PPP2R2B: variants seen among roughly 807,000 people sequenced by gnomAD.
The protein encoded by PPP2R2B is protein phosphatase 2 regulatory subunit Bbeta.
PPP2R2B carries 5 observed loss-of-function variants against 46.0 expected under a neutral mutation model. The ratio of observed to expected loss-of-function variants is 0.11; its 90% confidence interval spans 0.06 to 0.23. The LOEUF is 0.23. Among genes scored for constraint, PPP2R2B ranks in the 10% least tolerant of loss-of-function variants. The probability of loss-of-function intolerance (pLI) is 1.00; values close to 1 mark genes in which losing one functional copy is unlikely to be tolerated. For synonymous variants in PPP2R2B, 215 were observed against 206.7 expected, an observed-to-expected ratio of 1.04 and a Z score of -0.34; for missense variants, 367 against 575.0, an observed-to-expected ratio of 0.64 and a Z score of 3.70.
chr5:146,593,906 A>G (rs936738953), intron 8 of PPP2R2B, among the ~76,000 whole-genome samples: 19 of 152,192 alleles, frequency 1.2e-4, no homozygotes, highest in African/African-American at 4.3e-4. Flanking sequence ...AAAGGGAGGG[A>G]GACCAGTTAT....
At chr5:146,659,454 T>C (rs1279740034) in intron 5 of PPP2R2B, among the ~76,000 whole-genome samples, 1 of 152,202 alleles carries the variant, frequency 6.6e-6, no homozygotes, top group Non-Finnish European at 1.5e-5. Flanking sequence ...TTACCAACCA[T>C]GTGGCCTTGG....
intron 8 of PPP2R2B, among the ~76,000 whole-genome samples, chr5:146,596,843 T>C (rs565947263): frequency 6.6e-6 from 1 of 152,260 alleles, no homozygotes; most frequent in South Asian, 2.1e-4. Flanking sequence ...CTCCACTACA[T>C]ATATGGCTGT....
At chr5:146,859,055 T>C (rs1760833692) in intron 2 of PPP2R2B, among the ~76,000 whole-genome samples, 1 of 152,180 alleles carries the variant, frequency 6.6e-6, no homozygotes, top group South Asian at 2.1e-4. Flanking sequence ...TGGGAGTTTA[T>C]TGATTTATCT....
At position 146,861,593 on chromosome 5, in the gene PPP2R2B, C is replaced by T. The variant is rs79066938; in HGVS notation, c.70+16409G>A. ...ATAGCAGACACTCCATGAATTGTTT[C>T]TCACCACAATGGCAGCCTTACTGTT... On this transcript the variant is annotated intron_variant, in intron 2 of 9. Transcript: ENST00000394411. Among the ~76,000 whole-genome samples the T allele has an allele frequency of 2.1e-3, 323 of 152,336 alleles. 11 individuals are homozygous for T. In the East Asian group the frequency reaches 0.051, roughly 24 times the overall value.
At chr5:146,822,587 T>C (rs943837476) in intron 2 of PPP2R2B, among the ~76,000 whole-genome samples, 1 of 149,580 alleles carries the variant, frequency 6.7e-6, no homozygotes, top group Non-Finnish European at 1.5e-5. Context: ...TACTTCTCCA[T>C]CTAATATATT....
intron 2 of PPP2R2B, among the ~76,000 whole-genome samples, chr5:146,812,743 T>TATATACAC (rs750994881): frequency 2.1e-4 from 13 of 62,600 alleles, no homozygotes; most frequent in South Asian, 5.8e-4. Flanking sequence ...TATATATATA[T>TATATACAC]ATACTGCTAT....
chr5:147,006,531 C>T (rs1337396096), intron 1 of PPP2R2B, among the ~76,000 whole-genome samples: 1 of 152,160 alleles, frequency 6.6e-6, no homozygotes, highest in Non-Finnish European at 1.5e-5. Flanking sequence ...AATACACCTA[C>T]TTATAGGGTT....
chr5:146,739,466 T>C (rs1752739117), intron 2 of PPP2R2B, among the ~76,000 whole-genome samples: 1 of 152,084 alleles, frequency 6.6e-6, no homozygotes, highest in Admixed American at 6.5e-5. Flanking sequence ...GGGGGACAAC[T>C]CATATGAAGA....
chr5:147,045,557 T>C (rs995243278), intron 1 of PPP2R2B, among the ~76,000 whole-genome samples: 19 of 152,160 alleles, frequency 1.2e-4, no homozygotes, highest in African/African-American at 4.6e-4. Context: ...CATTAAGCGA[T>C]GCATGACTGA....
chr5:146,965,697 T>C (rs899298012), intron 1 of PPP2R2B, among the ~76,000 whole-genome samples: 24 of 152,232 alleles, frequency 1.6e-4, no homozygotes, highest in African/African-American at 5.5e-4. Flanking sequence ...ATGCTAGTAT[T>C]ATAAGTACAA....
intron 1 of PPP2R2B, among the ~76,000 whole-genome samples, chr5:146,898,157 C>A (rs1353339845): frequency 6.6e-6 from 1 of 152,162 alleles, no homozygotes; most frequent in African/African-American, 2.4e-5. Flanking sequence ...TGCATTCCAG[C>A]CTGGGCGACA....
At chr5:146,629,462 C>T (rs1256731313) in intron 7 of PPP2R2B, among the ~76,000 whole-genome samples, 1 of 152,182 alleles carries the variant, frequency 6.6e-6, no homozygotes, top group African/African-American at 2.4e-5. Flanking sequence ...CCACCCTGGT[C>T]AAAGCCATTA....
chr5:146,772,106 T>G (rs542775062), intron 2 of PPP2R2B, among the ~76,000 whole-genome samples: 1 of 152,158 alleles, frequency 6.6e-6, no homozygotes, highest in South Asian at 2.1e-4. Context: ...TTCTGGAATA[T>G]CCATACTAAA....
Position 146,584,023 on chromosome 5 carries a change from C to T in PPP2R2B, c.*5924G>A, listed in dbSNP as rs933110768. 2.0e-5 allele frequency: 3 copies of T among 152,214 alleles called. No homozygotes were observed. Among genetic ancestry groups the T allele is most frequent in the African/African-American group, 7.2e-5 (3 of 41,444 alleles). The allele number at this position is 152,214 out of a possible 1,614,324, so 9.4% of individuals were successfully genotyped here. A position where few individuals can be genotyped will look rare whatever the true frequency, so the allele number is the denominator to read the frequency against. Reference sequence around the variant, plus strand: ...ATGATTGGAGTGGCAACTGAGAGGGCTTGAGATGGGCAAGCAGGAGCTGTT... The same window carrying T: ...ATGATTGGAGTGGCAACTGAGAGGGTTTGAGATGGGCAAGCAGGAGCTGTT... On this transcript the variant is annotated 3_prime_UTR_variant, in exon 10 of 10. Coordinates refer to ENST00000394411, the MANE Select transcript of PPP2R2B (RefSeq NM_181675.4).
chr5:146,844,378 A>AT (rs75348091), intron 2 of PPP2R2B, among the ~76,000 whole-genome samples: 34,344 of 151,154 alleles, frequency 0.23, 4,638 homozygotes, highest in East Asian at 0.58. Context: ...ATTAAAAAAA[A>AT]ATATATACTG....
intron 2 of PPP2R2B, among the ~76,000 whole-genome samples, chr5:146,858,491 A>G (rs182380606): frequency 2.0e-5 from 3 of 152,334 alleles, no homozygotes; most frequent in Admixed American, 6.5e-5. Flanking sequence ...AACTGCAGTT[A>G]GAGGATTTAA....
At chr5:147,025,934 A>G (rs1252554315) in intron 1 of PPP2R2B, among the ~76,000 whole-genome samples, 2 of 152,128 alleles carry the variant, frequency 1.3e-5, no homozygotes, top group African/African-American at 2.4e-5. Context: ...GTAAAATACC[A>G]CTATACTCTT....
At chr5:146,852,731 A>G (rs944575201) in intron 2 of PPP2R2B, among the ~76,000 whole-genome samples, 1 of 152,156 alleles carries the variant, frequency 6.6e-6, no homozygotes, top group Non-Finnish European at 1.5e-5. Context: ...TTATGTGACA[A>G]TAGTATAGAC....
chr5:146,969,186 G>A (rs1752560068), intron 1 of PPP2R2B, among the ~76,000 whole-genome samples: 1 of 152,196 alleles, frequency 6.6e-6, no homozygotes, highest in African/African-American at 2.4e-5. Flanking sequence ...CAAGAGTTGG[G>A]CTTGGGGAAA....
Sources: allele counts gnomAD v4.1 joint callset (sites outside exome capture counted in the v4.1 genomes callset), GRCh38; gene constraint gnomAD v4.1.1; transcripts MANE v1.5; gene names NCBI Gene and HGNC (gene_info 2026-07-23, HGNC 2026-07-21).